Variants in LIFR observed in about 807,000 individuals in gnomAD.
LIFR encodes LIF receptor subunit alpha.
A neutral mutation model predicts 122.2 loss-of-function variants in LIFR; 84 were observed. The observed-to-expected ratio is 0.69, with a 90% confidence interval of 0.58 to 0.82. The LOEUF is 0.82. Ranked by LOEUF, LIFR falls within the 40% of genes least tolerant of loss-of-function variation. The probability of loss-of-function intolerance (pLI) is 0.00; values close to 1 mark genes in which losing one functional copy is unlikely to be tolerated. For missense variants in LIFR, 1,294 were observed against 1,311.6 expected, an observed-to-expected ratio of 0.99 and a Z score of 0.21; for synonymous variants, 422 against 434.7, an observed-to-expected ratio of 0.97 and a Z score of 0.36.
At chr5:38,536,801 T>C (rs1209866984) in intron 1 of LIFR, among the ~76,000 whole-genome samples, 1 of 152,242 alleles carries the variant, frequency 6.6e-6, no homozygotes, top group Non-Finnish European at 1.5e-5. Flanking sequence ...GGGATTCCAC[T>C]GTATCATACT....
At chr5:38,522,999 T>A (rs982495446) in intron 5 of LIFR, among the ~76,000 whole-genome samples, 1 of 152,144 alleles carries the variant, frequency 6.6e-6, no homozygotes, top group South Asian at 2.1e-4. Context: ...ACTGATAAAT[T>A]CAAGCTTATA....
At chr5:38,603,802 G>T (rs1266901609) in intron 2 of LIFR, among the ~76,000 whole-genome samples, 1 of 152,196 alleles carries the variant, frequency 6.6e-6, no homozygotes, top group Non-Finnish European at 1.5e-5. Flanking sequence ...TACCCAGGAA[G>T]GTCAAGTCTT....
chr5:38,498,524 T>C (rs1332881223), intron 12 of LIFR, among the ~76,000 whole-genome samples: 1 of 152,156 alleles, frequency 6.6e-6, no homozygotes, highest in African/African-American at 2.4e-5. Context: ...TGGCATACCT[T>C]TTGAAAACTC....
intron 1 of LIFR, among the ~76,000 whole-genome samples, chr5:38,591,955 A>G (rs770067606): frequency 1.1e-4 from 17 of 152,328 alleles, no homozygotes; most frequent in Non-Finnish European, 4.4e-5. Flanking sequence ...AGATTCAGTG[A>G]TATCACCAAT....
At chr5:38,499,708 T>C in intron 11 of LIFR, 125 bp from the exon 12 acceptor site, 1 of 731,852 alleles carries the variant, frequency 1.4e-6, no homozygotes, top group Admixed American at 2.3e-5. Context: ...GGCTTCCACT[T>C]AGAAAATGAA....
At position 38,476,012 on chromosome 5, in the gene LIFR, C is replaced by T. The variant is rs1461278774; in HGVS notation, c.*5583G>A. 1 of 198,756 alleles carries T rather than the reference C, an allele frequency of 5.0e-6. No individual in the cohort carries two copies. The highest frequency in any genetic ancestry group is 1.0e-5 in the Non-Finnish European group (1 of 96,088). The allele number at this position is 198,756 out of a possible 1,614,324, so 12.3% of individuals were successfully genotyped here. ...AGGGCATCAATCACATAACACCTAC[C>T]CCTCCACAACAATGAAAGGTTTCTT... On this transcript the variant is annotated 3_prime_UTR_variant, in exon 20 of 20. Transcript: ENST00000453190.
In LIFR at chr5:38,499,897, A is replaced by C. The variant is rs1442580289; in HGVS notation, c.1601-314T>G. Among the ~76,000 whole-genome samples, 3 of 152,214 alleles carry C rather than the reference A, an allele frequency of 2.0e-5. No individual in the cohort carries two copies. In the East Asian group the frequency reaches 5.8e-4, roughly 29 times the overall value. On this transcript the variant is annotated intron_variant, in intron 11 of 19. Coordinates refer to ENST00000453190, the MANE Select transcript of LIFR (RefSeq NM_001127671.2). Reference sequence around the variant, plus strand: ...TCCTGGCTGTCCCTCAGATATGCCAAAGACACAACTGCCTCAGGCTCTCTG... The same window carrying C: ...TCCTGGCTGTCCCTCAGATATGCCACAGACACAACTGCCTCAGGCTCTCTG...
At chr5:38,509,311 T>C (rs989449809) in intron 7 of LIFR, among the ~76,000 whole-genome samples, 2 of 152,228 alleles carry the variant, frequency 1.3e-5, no homozygotes, top group Admixed American at 1.3e-4. Flanking sequence ...TTGCAAGTAA[T>C]TTCCTAACAT....
chr5:38,528,659 G>GT lies in LIFR; in HGVS notation c.257+66dup, dbSNP rs146409173. 1.2e-3 allele frequency: 1,133 copies of GT among 929,264 alleles called. 14 individuals carry two copies. In the African/African-American group the frequency reaches 0.016, roughly 13 times the overall value. 57.6% of individuals were successfully genotyped at this position (929,264 alleles called of 1,614,324 possible). A position where few individuals can be genotyped will look rare whatever the true frequency, so the allele number is the denominator to read the frequency against. On this transcript the variant is annotated intron_variant, in intron 3 of 19. Transcript: ENST00000453190. ...ACCCTTTAGTTTCACAAGCAATAAGGTAAGAACTGAGGGTCGTTTCTGCAA... is the reference window on the plus strand; with the variant it reads ...ACCCTTTAGTTTCACAAGCAATAAGGTTAAGAACTGAGGGTCGTTTCTGCAA...
intron 5 of LIFR, among the ~76,000 whole-genome samples, chr5:38,522,736 CTT>C (rs1561172285): frequency 6.6e-6 from 1 of 152,098 alleles, no homozygotes; most frequent in Admixed American, 6.5e-5. Flanking sequence ...ATAGAATAAT[CTT>C]TTTTATTATC....
rs188104394 is a variant in LIFR, at chr5:38,578,583, C to T, written c.-20+16678G>A. ...TTTTTTTTAGACAGTCTCACTCTGT[C>T]GCCCAGGCTGTAGTGTGTAGTGTAG... On this transcript the variant is annotated intron_variant, in intron 1 of 19. Coordinates refer to the LIFR transcript ENST00000263409. Among the ~76,000 whole-genome samples, 8 of 150,988 alleles carry T rather than the reference C, an allele frequency of 5.3e-5. No individual in the cohort carries two copies. In the East Asian group the frequency reaches 5.9e-4, roughly 11 times the overall value.
upstream of LIFR, chr5:38,557,945 G>A (rs1359333135): frequency 6.6e-6 from 1 of 151,964 alleles, no homozygotes; most frequent in Admixed American, 6.5e-5. Flanking sequence ...CATTTAAGAT[G>A]TTTACCCTTA....
Position 38,510,689 on chromosome 5 carries a change from G to A in LIFR, c.766C>T (p.Pro256Ser). The change falls in exon 7 of 20, where the codon CCT (proline) becomes TCT (serine). Residue 256 changes from proline (P) to serine (S), a missense_variant. Coordinates refer to ENST00000453190, the MANE Select transcript of LIFR (RefSeq NM_001127671.2). The part of the protein sequence containing the change: ...WIPDSQTKVF[P>S]QDKVILVGSD... ...CCTACAAGTATCACTTTATCTTGAG[G>A]AAAAACCTTAGTCTGAGAATCAGGT... The A allele has an allele frequency of 6.2e-7, 1 of 1,612,930 alleles. No individual in the cohort carries two copies. The highest frequency in any genetic ancestry group is 8.5e-7 in the Non-Finnish European group (1 of 1,179,178).
chr5:38,527,126 T>G lies in LIFR; in HGVS notation c.397+29A>C, dbSNP rs2289779. On this transcript the variant is annotated intron_variant, in intron 4 of 19. Transcript: ENST00000453190. ...CTAACAAGTGACACTTGACTTACTTTAAAATTGAGTTTGTTTTCAAATACT... is the reference window on the plus strand; with the variant it reads ...CTAACAAGTGACACTTGACTTACTTGAAAATTGAGTTTGTTTTCAAATACT... The G allele has an allele frequency of 0.43, 675,388 of 1,553,396 alleles. 152,324 individuals are homozygous for G. Among genetic ancestry groups the G allele is most frequent in the East Asian group, 0.55 (24,136 of 43,814 alleles).
chr5:38,542,141 A>T (rs1747623662), intron 1 of LIFR, among the ~76,000 whole-genome samples: 1 of 152,200 alleles, frequency 6.6e-6, no homozygotes, highest in Non-Finnish European at 1.5e-5. Context: ...AGTCATCATA[A>T]ATTCTTGCTC....
At chr5:38,513,285 T>C (rs1014206874) in intron 5 of LIFR, among the ~76,000 whole-genome samples, 5 of 152,108 alleles carry the variant, frequency 3.3e-5, no homozygotes, top group African/African-American at 9.7e-5. Flanking sequence ...CAATGGGAAA[T>C]ACAGGAAAAC....
intron 7 of LIFR, among the ~76,000 whole-genome samples, chr5:38,507,805 A>C (rs1478127538): frequency 1.3e-5 from 2 of 152,034 alleles, no homozygotes; most frequent in African/African-American, 2.4e-5. Flanking sequence ...AATACTCCTT[A>C]GTTTATCAAC....
Position 38,550,579 on chromosome 5 carries a change from A to G in LIFR, c.-20+5755T>C, listed in dbSNP as rs750030978. Among the ~76,000 whole-genome samples, 5 of 152,256 alleles carry G rather than the reference A, an allele frequency of 3.3e-5. No individual in the cohort carries two copies. The East Asian group carries it at 7.7e-4, about 23-fold the overall frequency. ...AAAACTGTATATTCTTTCAGATTGT[A>G]TAAGTACTGTCTTATAGCTAACATG... On this transcript the variant is annotated intron_variant, in intron 1 of 19. Coordinates refer to ENST00000453190, the MANE Select transcript of LIFR (RefSeq NM_001127671.2).
chr5:38,582,315 G>T (rs1278231128), intron 1 of LIFR, among the ~76,000 whole-genome samples: 2 of 152,128 alleles, frequency 1.3e-5, no homozygotes, highest in African/African-American at 4.8e-5. Context: ...TTATTAGACA[G>T]GATTGGGAAC....
Sources: gnomAD v4.1 joint callset for allele counts (sites outside exome capture counted in the v4.1 genomes callset) on GRCh38, gnomAD v4.1.1 for gene constraint, MANE v1.5 for transcripts, NCBI Gene and HGNC (gene_info 2026-07-23, HGNC 2026-07-21) for gene names.